Variants in NUDT1 observed in about 807,000 individuals in gnomAD.
NUDT1 encodes the protein oxidized purine nucleoside triphosphate hydrolase.
Under a neutral mutation model 11.3 loss-of-function variants are expected in NUDT1, and 16 were observed. That is an observed-to-expected ratio of 1.41 (90% CI 0.96 to 2.15). NUDT1 has a LOEUF of 2.15. Ranked by LOEUF, NUDT1 falls within the 30% of genes most tolerant of loss-of-function variation. NUDT1 has a pLI of 0.00. For synonymous variants in NUDT1, 101 were observed against 84.4 expected, an observed-to-expected ratio of 1.20 and a Z score of -1.08; for missense variants, 234 against 208.4, an observed-to-expected ratio of 1.12 and a Z score of -0.76.
intron 1 of NUDT1, 112 bp from the exon 2 acceptor site, chr7:2,244,451 T>TTCCCCCCCCCCCCCCCCCC: frequency 1.0e-6 from 1 of 981,626 alleles, no homozygotes; most frequent in Non-Finnish European, 1.5e-6. Flanking sequence ...AGTTACAGCA[T>TTCCCCCCCCCCCCCCCCCC]ACCCCCCCGC....
intron 1 of NUDT1, 113 bp from the exon 2 acceptor site, chr7:2,244,450 A>G: frequency 1.1e-6 from 1 of 895,190 alleles, no homozygotes; most frequent in Non-Finnish European, 1.7e-6. Context: ...GAGTTACAGC[A>G]TACCCCCCCG....
chr7:2,246,351 G>A (rs1432298603), intron 2 of NUDT1, among the ~76,000 whole-genome samples: 1 of 152,236 alleles, frequency 6.6e-6, no homozygotes, highest in Non-Finnish European at 1.5e-5. Flanking sequence ...GAAAGGAAGG[G>A]AGAATAACTG....
At chr7:2,243,093 C>A (rs775683265) in intron 1 of NUDT1, 1 of 697,140 alleles carries the variant, frequency 1.4e-6, no homozygotes, top group South Asian at 1.5e-5. Context: ...CTGGGCTCTC[C>A]TCTGACCGCC....
chr7:2,242,441 G>A (rs752360666), intron 1 of NUDT1, 185 bp downstream of exon 1: 38 of 494,652 alleles, frequency 7.7e-5, no homozygotes, highest in Non-Finnish European at 1.1e-4. Flanking sequence ...GGGGCCGGGG[G>A]TTTGGGAGAG....
chr7:2,246,132 G>C (rs1353189238), intron 2 of NUDT1, among the ~76,000 whole-genome samples: 1 of 152,204 alleles, frequency 6.6e-6, no homozygotes, highest in East Asian at 1.9e-4. Flanking sequence ...GGCCCCGGGG[G>C]TTCTCTGCCC....
chr7:2,245,582 T>G (rs1349700741), intron 2 of NUDT1, among the ~76,000 whole-genome samples: 1 of 152,112 alleles, frequency 6.6e-6, no homozygotes, highest in Non-Finnish European at 1.5e-5. Flanking sequence ...CCGATTCATT[T>G]CTCTTTTTTT....
rs761248913 is a variant in NUDT1, at chr7:2,250,790, G to C, written c.299-39G>C. The stretch of plus-strand genomic sequence containing the variant: ...ACATGTTTTTTAAGCATGAAGTTTG[G>C]GTTGCACCTCAGTGCCTCCTCTTCC... On this transcript the variant is annotated intron_variant, in intron 3 of 3. Coordinates refer to ENST00000356714, the MANE Select transcript of NUDT1 (RefSeq NM_002452.4). 2.5e-6 allele frequency: 4 copies of C among 1,613,342 alleles called. No homozygotes were observed. The Admixed American group carries it at 6.7e-5, about 27-fold the overall frequency.
chr7:2,246,711 G>A (rs1794779345), intron 2 of NUDT1, among the ~76,000 whole-genome samples: 2 of 152,194 alleles, frequency 1.3e-5, no homozygotes, highest in African/African-American at 4.8e-5. Context: ...GCTGAATACA[G>A]TGGTGGCTTG....
chr7:2,245,952 C>T (rs911682134), intron 2 of NUDT1, among the ~76,000 whole-genome samples: 8 of 152,074 alleles, frequency 5.3e-5, no homozygotes, highest in African/African-American at 1.9e-4. Flanking sequence ...GACCCCAGAC[C>T]GCAGCCACAC....
chr7:2,245,432 G>A, intron 2 of NUDT1, among the ~76,000 whole-genome samples: 1 of 152,158 alleles, frequency 6.6e-6, no homozygotes, highest in East Asian at 1.9e-4. Context: ...GCAGCCTAGT[G>A]GCTTTCCAAT....
intron 1 of NUDT1, 112 bp from the exon 2 acceptor site, chr7:2,244,451 T>TTGCCCCCCCCC: frequency 3.1e-6 from 3 of 981,626 alleles, no homozygotes; most frequent in Non-Finnish European, 4.4e-6. Context: ...AGTTACAGCA[T>TTGCCCCCCCCC]ACCCCCCCGC....
rs1306333855 is a variant in NUDT1, at chr7:2,249,869, G to C, written c.165G>C (p.Glu55Asp). 6.2e-7 allele frequency: 1 copy of C among 1,613,708 alleles called. No homozygotes were observed. Among genetic ancestry groups the C allele is most frequent in the Non-Finnish European group, 8.5e-7 (1 of 1,180,040 alleles). The change falls in exon 3 of 4, where the codon GAG becomes GAC. Residue 55 changes from glutamate to aspartate, a missense_variant. By Grantham distance (45) the Glu-to-Asp change is conservative (BLOSUM62 2). Coordinates refer to ENST00000356714, the MANE Select transcript of NUDT1 (RefSeq NM_002452.4). ...CCTCTGCCCGCAGGGAGCTGCAGGA[G>C]GAGAGCGGTCTGACAGTGGACGCCC... Reference protein sequence around the residue: ...IEDGARRELQEESGLTVDALH... With the variant: ...IEDGARRELQDESGLTVDALH...
chr7:2,242,942 A>T (rs574476300), intron 1 of NUDT1: 73 of 713,710 alleles, frequency 1.0e-4, no homozygotes. Context: ...GCCTTGATGT[A>T]CTGGAGCAAT....
At chr7:2,242,790 G>T (rs1794601025) in intron 1 of NUDT1, 1 of 601,942 alleles carries the variant, frequency 1.7e-6, no homozygotes, top group Non-Finnish European at 3.0e-6. Context: ...AGGGGTGAAT[G>T]TTTGCAGCTC....
chr7:2,250,497 G>C (rs553881656), intron 3 of NUDT1, among the ~76,000 whole-genome samples: 1 of 152,172 alleles, frequency 6.6e-6, no homozygotes, highest in Non-Finnish European at 1.5e-5. Context: ...TCGCTCTGTC[G>C]CCCAGGCTGG....
chr7:2,249,678 C>A, intron 2 of NUDT1, 179 bp from the exon 3 acceptor site: 1 of 721,160 alleles, frequency 1.4e-6, no homozygotes, highest in Non-Finnish European at 2.3e-6. Context: ...CAAGTTGATT[C>A]TGAAGCTCAG....
chr7:2,242,438 G>A, intron 1 of NUDT1, 182 bp downstream of exon 1: 1 of 504,884 alleles, frequency 2.0e-6, no homozygotes, highest in Non-Finnish European at 3.5e-6. Flanking sequence ...AGCGGGGCCG[G>A]GGGTTTGGGA....
intron 2 of NUDT1, among the ~76,000 whole-genome samples, chr7:2,245,338 G>T (rs937416778): frequency 6.6e-6 from 1 of 152,162 alleles, no homozygotes; most frequent in African/African-American, 2.4e-5. Context: ...TCGTGTTTTT[G>T]TTCTGAGAAA....
intron 2 of NUDT1, 103 bp from the exon 3 acceptor site, chr7:2,249,754 C>T: frequency 1.4e-6 from 2 of 1,477,636 alleles, no homozygotes; most frequent in South Asian, 1.2e-5. Context: ...ACCCTGGTGG[C>T]TCCCTGGGCT....
Sources: gnomAD v4.1 joint callset for allele counts (sites outside exome capture counted in the v4.1 genomes callset) on GRCh38, gnomAD v4.1.1 for gene constraint, MANE v1.5 for transcripts, NCBI Gene and HGNC (gene_info 2026-07-23, HGNC 2026-07-21) for gene names.